Variants in LUC7L3 observed in about 807,000 individuals in gnomAD.
The protein encoded by LUC7L3 is LUC7 like 3 pre-mRNA splicing factor.
LUC7L3 carries 6 observed loss-of-function variants against 66.8 expected under a neutral mutation model. That is an observed-to-expected ratio of 0.09 (90% CI 0.05 to 0.18). The LOEUF (loss-of-function observed/expected upper bound fraction) is 0.18. LUC7L3 is among the 10% of genes least tolerant of loss of function. LUC7L3 has a pLI of 1.00. For missense variants in LUC7L3, 341 were observed against 531.1 expected (o/e 0.64, Z 3.52); for synonymous variants, 160 against 174.7 (o/e 0.92, Z 0.66).
intron 1 of LUC7L3, among the ~76,000 whole-genome samples, chr17:50,728,024 G>A (rs899358299): frequency 1.9e-4 from 29 of 151,850 alleles, no homozygotes; most frequent in African/African-American, 6.0e-4. Context: ...AGGCTGAGAC[G>A]GGAGAATGGC....
Position 50,734,905 on chromosome 17 carries a change from A to G in LUC7L3, c.100-2055A>G, listed in dbSNP as rs546173481. Reference sequence around the variant, plus strand: ...TTGTAAAAATGGGAAATATAAATGAAATTTTTATAAGTAAAGATAAAATTC... The same window carrying G: ...TTGTAAAAATGGGAAATATAAATGAGATTTTTATAAGTAAAGATAAAATTC... On this transcript the variant is annotated intron_variant, in intron 1 of 9. Transcript: ENST00000505658. Among the ~76,000 whole-genome samples the G allele has an allele frequency of 3.3e-5, 5 of 152,296 alleles. No individual in the cohort carries two copies. The South Asian group carries it at 1.0e-3, about 32-fold the overall frequency.
Position 50,751,740 on chromosome 17 carries a change from T to TA in LUC7L3, c.*1080dup, listed in dbSNP as rs1270724518. On this transcript the variant is annotated 3_prime_UTR_variant, in exon 10 of 10. Coordinates refer to ENST00000505658, the MANE Select transcript of LUC7L3 (RefSeq NM_016424.5). ...GTAGGAATAGTCACTCACTGGCTGA[T>TA]ACATTTAAAGCAGCAGTGTGAATAG... is the stretch of plus-strand genomic sequence containing the variant. 3 of 1,036,178 alleles carry TA rather than the reference T, an allele frequency of 2.9e-6. No homozygotes were observed. The highest frequency in any genetic ancestry group is 9.2e-5 in the East Asian group (1 of 10,858). 64.2% of individuals were successfully genotyped at this position (1,036,178 alleles called of 1,614,324 possible).
chr17:50,743,662 G>C (rs768169490), intron 5 of LUC7L3, 44 bp from the exon 6 acceptor site: 1 of 1,261,238 alleles, frequency 7.9e-7, no homozygotes, highest in South Asian at 1.3e-5. Context: ...CAATAGTTGG[G>C]TTTGAAAGAA....
chr17:50,738,179 C>T, intron 2 of LUC7L3: 1 of 455,742 alleles, frequency 2.2e-6, no homozygotes, highest in South Asian at 1.6e-5. Context: ...GTGAACAGTT[C>T]CTGAGAAGTG....
chr17:50,722,300 C>G (rs1020753906), intron 1 of LUC7L3: 1 of 142,776 alleles, frequency 7.0e-6, no homozygotes, highest in African/African-American at 2.7e-5. Context: ...CGGGTTCAAG[C>G]GATTCTCCTG....
chr17:50,720,792 C>A (rs1160262533), intron 1 of LUC7L3, among the ~76,000 whole-genome samples: 2 of 152,072 alleles, frequency 1.3e-5, no homozygotes, highest in African/African-American at 4.8e-5. Context: ...TCTTTTTAAA[C>A]GTAGGCTTTG....
In LUC7L3 at chr17:50,755,929, G is replaced by C. The variant is rs530537385; in HGVS notation, c.*5268G>C. 3.3e-5 allele frequency: 5 copies of C among 152,264 alleles called. No homozygotes were observed. Among genetic ancestry groups the C allele is most frequent in the Non-Finnish European group, 7.4e-5 (5 of 68,022 alleles). The allele number at this position is 152,264 out of a possible 1,614,324, so 9.4% of individuals were successfully genotyped here. A position where few individuals can be genotyped will look rare whatever the true frequency, so the allele number is the denominator to read the frequency against. ...TGAACATGGACAAAACTCAACAATA[G>C]AAGGATCAAAAAAAGCAAGTCACAG... On this transcript the variant is annotated 3_prime_UTR_variant, in exon 10 of 10. Transcript: ENST00000505658.
rs1971090267 is a variant in LUC7L3 at position 50,755,262 on chromosome 17, G to C, written c.*4601G>C. 1 of 152,142 alleles carries C rather than the reference G, an allele frequency of 6.6e-6. No homozygotes were observed. The highest frequency in any genetic ancestry group is 2.4e-5 in the African/African-American group (1 of 41,444). 9.4% of individuals were successfully genotyped at this position (152,142 alleles called of 1,614,324 possible). The stretch of plus-strand genomic sequence containing the variant: ...TGTTTTTCCTCTGCAGGAGCTTGCT[G>C]CTGTTAACAGTTATTCTTCCAAGTT... On this transcript the variant is annotated 3_prime_UTR_variant, in exon 10 of 10. Coordinates refer to ENST00000505658, the MANE Select transcript of LUC7L3 (RefSeq NM_016424.5).
In LUC7L3 at chr17:50,755,064, A is replaced by G. The variant is rs1379674033; in HGVS notation, c.*4403A>G. 1 of 152,180 alleles carries G rather than the reference A, an allele frequency of 6.6e-6. No individual in the cohort carries two copies. Among genetic ancestry groups the G allele is most frequent in the Non-Finnish European group, 1.5e-5 (1 of 68,030 alleles). 9.4% of individuals were successfully genotyped at this position (152,180 alleles called of 1,614,324 possible). A position where few individuals can be genotyped will look rare whatever the true frequency, so the allele number is the denominator to read the frequency against. On this transcript the variant is annotated 3_prime_UTR_variant, in exon 10 of 10. Transcript: ENST00000505658. ...GTTATTATGTATACAATTCTGTGGG[A>G]TGGGACTTCATGCAGGATTGGTTTT... is the stretch of plus-strand genomic sequence containing the variant.
intron 3 of LUC7L3, 113 bp from the exon 4 acceptor site, chr17:50,740,989 G>A (rs1970314978): frequency 2.0e-6 from 2 of 1,015,706 alleles, no homozygotes; most frequent in Non-Finnish European, 3.0e-6. Flanking sequence ...AAATACACCT[G>A]GTTTACCCTG....
intron 9 of LUC7L3, among the ~76,000 whole-genome samples, chr17:50,748,075 C>G (rs1417971635): frequency 6.6e-6 from 1 of 152,098 alleles, no homozygotes; most frequent in Non-Finnish European, 1.5e-5. Flanking sequence ...TTTACATTTC[C>G]TATTGTTAGC....
intron 5 of LUC7L3, among the ~76,000 whole-genome samples, chr17:50,743,151 G>A (rs1970451693): frequency 6.6e-6 from 1 of 152,148 alleles, no homozygotes; most frequent in South Asian, 2.1e-4. Context: ...GATTGCTTGA[G>A]CCCAGCAGTT....
chr17:50,752,741 C>G lies in LUC7L3; in HGVS notation c.*2080C>G, dbSNP rs1971032894. 1 of 152,218 alleles carries G rather than the reference C, an allele frequency of 6.6e-6. No individual in the cohort carries two copies. The highest frequency in any genetic ancestry group is 2.1e-4 in the South Asian group (1 of 4,836). 9.4% of individuals were successfully genotyped at this position (152,218 alleles called of 1,614,324 possible). A position where few individuals can be genotyped will look rare whatever the true frequency, so the allele number is the denominator to read the frequency against. ...TCCCCTGTTTTAAATACAAGAGTTA[C>G]ACTATTACTAGAGGTGTTGGTGTAC... is the stretch of plus-strand genomic sequence containing the variant. On this transcript the variant is annotated 3_prime_UTR_variant, in exon 10 of 10. Transcript: ENST00000505658.
intron 1 of LUC7L3, among the ~76,000 whole-genome samples, chr17:50,729,195 A>AG (rs199985138): frequency 0.083 from 12,697 of 152,234 alleles, 684 homozygotes; most frequent in Middle Eastern, 0.16. Flanking sequence ...AATAAAAGCG[A>AG]GGTAATTACC....
In LUC7L3 at chr17:50,754,942, G is replaced by A. The variant is rs1227295959; in HGVS notation, c.*4281G>A. 6.6e-6 allele frequency: 1 copy of A among 152,174 alleles called. No individual in the cohort carries two copies. The highest frequency in any genetic ancestry group is 2.4e-5 in the African/African-American group (1 of 41,438). 9.4% of individuals were successfully genotyped at this position (152,174 alleles called of 1,614,324 possible). A position where few individuals can be genotyped will look rare whatever the true frequency, so the allele number is the denominator to read the frequency against. ...AATTTTTATGGTGGAAGTTCTCTGA[G>A]CCCTCATCCATTCTGTTTTTAAAAA... On this transcript the variant is annotated 3_prime_UTR_variant, in exon 10 of 10. Coordinates refer to ENST00000505658, the MANE Select transcript of LUC7L3 (RefSeq NM_016424.5).
chr17:50,751,959 G>T lies in LUC7L3; in HGVS notation c.*1298G>T, dbSNP rs1970992113. 1 of 1,026,982 alleles carries T rather than the reference G, an allele frequency of 9.7e-7. No homozygotes were observed. The highest frequency in any genetic ancestry group is 1.7e-5 in the African/African-American group (1 of 57,740). 63.6% of individuals were successfully genotyped at this position (1,026,982 alleles called of 1,614,324 possible). ...AGTACCAATTAGTTGATTTGTTGGT[G>T]GCATTCCCCTTTTGGGAAAGCAATG... On this transcript the variant is annotated 3_prime_UTR_variant, in exon 10 of 10. Coordinates refer to ENST00000505658, the MANE Select transcript of LUC7L3 (RefSeq NM_016424.5).
chr17:50,745,560 T>C (rs1288682451), intron 7 of LUC7L3, among the ~76,000 whole-genome samples, 160 bp from the exon 8 acceptor site: 1 of 152,162 alleles, frequency 6.6e-6, no homozygotes, highest in Admixed American at 6.6e-5. Flanking sequence ...ATTAGACAAA[T>C]AATGATACCT....
chr17:50,724,384 A>G (rs540290703), intron 1 of LUC7L3, among the ~76,000 whole-genome samples: 7 of 152,130 alleles, frequency 4.6e-5, no homozygotes, highest in African/African-American at 1.7e-4. Flanking sequence ...AGCTGGGCGT[A>G]GTGGTGCATT....
At chr17:50,735,187 A>G (rs948791875) in intron 1 of LUC7L3, among the ~76,000 whole-genome samples, 17 of 150,874 alleles carry the variant, frequency 1.1e-4, no homozygotes, top group Non-Finnish European at 1.6e-4. Context: ...CCAAGATCAT[A>G]CCATTGCACT....
Sources: allele counts gnomAD v4.1 joint callset (sites outside exome capture counted in the v4.1 genomes callset), GRCh38; gene constraint gnomAD v4.1.1; transcripts MANE v1.5; gene names NCBI Gene and HGNC (gene_info 2026-07-23, HGNC 2026-07-21).